Variants in GATAD1 observed in about 807,000 individuals in gnomAD.
GATAD1 encodes the protein GATA zinc finger domain containing 1.
A neutral mutation model predicts 26.5 loss-of-function variants in GATAD1; 12 were observed. The observed-to-expected ratio is 0.45, with a 90% CI of 0.29 to 0.73. The LOEUF (loss-of-function observed/expected upper bound fraction) is 0.73, where lower values mean the gene tolerates loss of function less well. Ranked by LOEUF, GATAD1 falls within the 30% of genes least tolerant of loss-of-function variation. The pLI, the probability that GATAD1 is intolerant of heterozygous loss-of-function variation, is 0.10. For missense variants in GATAD1, 266 were observed against 342.1 expected, an observed-to-expected ratio of 0.78 and a Z score of 1.75; for synonymous variants, 129 against 133.1, an observed-to-expected ratio of 0.97 and a Z score of 0.21.
the GATAD1 span, chr7:92,469,490 T>C: frequency 1.3e-6 from 1 of 768,766 alleles, no homozygotes; most frequent in Admixed American, 1.7e-5. Flanking sequence ...GTGTAGATGG[T>C]CATAGGGGGC....
the GATAD1 span, chr7:92,469,652 T>C: frequency 1.3e-6 from 1 of 764,524 alleles, no homozygotes; most frequent in Non-Finnish European, 2.4e-6. Context: ...GTTGTGTATG[T>C]AGTATTGCTA....
chr7:92,485,613 CTGTG>C, the GATAD1 span, among the ~76,000 whole-genome samples: 1 of 152,236 alleles, frequency 6.6e-6, no homozygotes, highest in Non-Finnish European at 1.5e-5. Flanking sequence ...TTATCAGACA[CTGTG>C]TATGCACTAA....
rs1190450525 is a variant in GATAD1, at chr7:92,447,625, C to G, written c.-105C>G. The G allele has an allele frequency of 6.9e-6, 9 of 1,310,940 alleles. No individual in the cohort carries two copies. In the African/African-American group the frequency reaches 1.1e-4, roughly 16 times the overall value. The allele number at this position is 1,310,940 out of a possible 1,614,324, so 81.2% of individuals were successfully genotyped here. A position where few individuals can be genotyped will look rare whatever the true frequency, so the allele number is the denominator to read the frequency against. ...GGCAGCTCCGTGCCGACGCTCTCAC[C>G]GCTCTTCCTATCGCCGGGAGTGGCG... On this transcript the variant is annotated 5_prime_UTR_variant, in exon 1 of 5. Transcript: ENST00000287957.
the GATAD1 span, among the ~76,000 whole-genome samples, chr7:92,491,079 C>T: frequency 6.6e-6 from 1 of 152,202 alleles, no homozygotes; most frequent in Non-Finnish European, 1.5e-5. Context: ...TCCTTGCTCC[C>T]AGCCCTGTCT....
chr7:92,473,155 C>G, the GATAD1 span: 2 of 152,176 alleles, frequency 1.3e-5, no homozygotes, highest in Non-Finnish European at 2.9e-5. Flanking sequence ...AGGTCCAGGA[C>G]TGTAAACCAC....
the GATAD1 span, among the ~76,000 whole-genome samples, chr7:92,479,131 CCTT>C: frequency 6.6e-6 from 1 of 152,186 alleles, no homozygotes; most frequent in Non-Finnish European, 1.5e-5. Flanking sequence ...GGAGCCTCTT[CCTT>C]CTTTTTTGCG....
At chr7:92,453,722 G>A (rs972431454) in intron 3 of GATAD1, among the ~76,000 whole-genome samples, 10 of 152,206 alleles carry the variant, frequency 6.6e-5, no homozygotes, top group Non-Finnish European at 1.5e-5. Flanking sequence ...AGGGTGGCAT[G>A]TAGAATGCAT....
At chr7:92,492,207 C>T in the GATAD1 span, among the ~76,000 whole-genome samples, 1 of 152,098 alleles carries the variant, frequency 6.6e-6, no homozygotes, top group Non-Finnish European at 1.5e-5. Flanking sequence ...AGTGCAGTGG[C>T]ACAAGCATGG....
chr7:92,481,609 G>C, the GATAD1 span, among the ~76,000 whole-genome samples: 1 of 152,154 alleles, frequency 6.6e-6, no homozygotes, highest in African/African-American at 2.4e-5. Context: ...CCTGCACTTC[G>C]GCTGTGTGTA....
chr7:92,447,991 G>C lies in GATAD1; in HGVS notation c.249+13G>C, dbSNP rs548757932. 2.5e-6 allele frequency: 3 copies of C among 1,212,474 alleles called. No individual in the cohort carries two copies. Among genetic ancestry groups the C allele is most frequent in the Non-Finnish European group, 3.1e-6 (3 of 975,918 alleles). The allele number at this position is 1,212,474 out of a possible 1,614,324, so 75.1% of individuals were successfully genotyped here. A position where few individuals can be genotyped will look rare whatever the true frequency, so the allele number is the denominator to read the frequency against. ...GGGCGGCAAGCAGGTGAGCTCCTCCGGCCCCTCCCGCCGGCGGAGGCCGAC... is the reference window on the plus strand; with the variant it reads ...GGGCGGCAAGCAGGTGAGCTCCTCCCGCCCCTCCCGCCGGCGGAGGCCGAC... On this transcript the variant is annotated intron_variant, in intron 1 of 4. Transcript: ENST00000287957.
chr7:92,483,337 G>A, the GATAD1 span, among the ~76,000 whole-genome samples: 1 of 152,210 alleles, frequency 6.6e-6, no homozygotes. Context: ...TGGAGATGTG[G>A]CTGGGGTTTC....
the GATAD1 span, chr7:92,494,571 G>C: frequency 1.2e-6 from 2 of 1,613,770 alleles, no homozygotes; most frequent in African/African-American, 2.7e-5. Flanking sequence ...TGACCCCGCC[G>C]AGGAGCAATG....
chr7:92,484,557 A>G, the GATAD1 span, among the ~76,000 whole-genome samples: 4 of 152,232 alleles, frequency 2.6e-5, no homozygotes, highest in Non-Finnish European at 5.9e-5. Flanking sequence ...TTTTGGGTCC[A>G]TGGATAAAAT....
the GATAD1 span, among the ~76,000 whole-genome samples, chr7:92,489,131 C>T: frequency 6.6e-6 from 1 of 152,166 alleles, no homozygotes; most frequent in Non-Finnish European, 1.5e-5. Context: ...GTACTTCTGA[C>T]ATTTTGGGGT....
At chr7:92,449,051 GT>G in intron 2 of GATAD1, 174 bp downstream of exon 2, 1 of 1,039,000 alleles carries the variant, frequency 9.6e-7, no homozygotes, top group Non-Finnish European at 1.4e-6. Context: ...GAGGCTCACT[GT>G]TTATAAAGTT....
downstream of GATAD1, among the ~76,000 whole-genome samples, chr7:92,460,852 C>A (rs1789896114): frequency 6.9e-6 from 1 of 145,702 alleles, no homozygotes; most frequent in Non-Finnish European, 1.5e-5. Context: ...TCTGCAGCTA[C>A]TTTTTTCAGC....
Position 92,447,920 on chromosome 7 carries a change from CCTTCG to C in GATAD1, c.193_197del (p.Phe65GlnfsTer19). 8.0e-7 allele frequency: 1 copy of C among 1,249,150 alleles called. No individual in the cohort carries two copies. The highest frequency in any genetic ancestry group is 1.0e-6 in the Non-Finnish European group (1 of 999,054). 77.4% of individuals were successfully genotyped at this position (1,249,150 alleles called of 1,614,324 possible). A position where few individuals can be genotyped will look rare whatever the true frequency, so the allele number is the denominator to read the frequency against. ...GGCGGCGGCGGCTTCGGCGCGGCGA[CCTTCG>C]CCAGCACCTCCGCCACCCCTCCGCA... On this transcript the variant is annotated frameshift_variant, in exon 1 of 5. Transcript: ENST00000287957. LOFTEE classifies it high-confidence loss of function.
chr7:92,493,158 TAAAAAATAAAATTAAA>T, the GATAD1 span: 1 of 1,249,312 alleles, frequency 8.0e-7, no homozygotes, highest in East Asian at 2.5e-5. Context: ...ATTTAACAAA[TAAAAAATAAAATTAAA>T]AATATTATCT....
chr7:92,462,751 T>C (rs79089048), downstream of GATAD1, among the ~76,000 whole-genome samples: 6,249 of 152,256 alleles, frequency 0.041, 159 homozygotes, highest in African/African-American at 0.055. Context: ...GGAATTAGTG[T>C]CCTTTTAGGA....
Sources: gnomAD v4.1 joint callset for allele counts (sites outside exome capture counted in the v4.1 genomes callset) on GRCh38, gnomAD v4.1.1 for gene constraint, MANE v1.5 for transcripts, NCBI Gene and HGNC (gene_info 2026-07-23, HGNC 2026-07-21) for gene names.